The following HS3ST2 variants were observed in gnomAD, a reference collection of about 807,000 sequenced individuals.
HS3ST2 encodes heparan sulfate glucosamine 3-O-sulfotransferase 2.
HS3ST2 carries 17 observed loss-of-function variants against 26.3 expected under a neutral mutation model. The observed-to-expected ratio is 0.65, with a 90% CI of 0.44 to 0.97. The LOEUF (loss-of-function observed/expected upper bound fraction) is 0.97. Ranked by LOEUF, HS3ST2 falls within the 50% of genes least tolerant of loss-of-function variation. The pLI is 0.00. For missense variants in HS3ST2, 402 were observed against 501.2 expected (o/e 0.80, Z 1.89); for synonymous variants, 237 against 219.2 (o/e 1.08, Z -0.72).
chr16:22,880,287 C>G (rs1204822958), intron 1 of HS3ST2, among the ~76,000 whole-genome samples: 1 of 152,050 alleles, frequency 6.6e-6, no homozygotes, highest in Non-Finnish European at 1.5e-5. Flanking sequence ...GGTGTGGTGG[C>G]ACACCTGTAG....
rs1291952823 is a variant in HS3ST2 at position 22,888,219 on chromosome 16, G to C, written c.486-26725G>C. On this transcript the variant is annotated intron_variant, in intron 1 of 1. Transcript: ENST00000261374. ...GTCTCTGTGTCTGCTTTTGGAGTGG[G>C]GACAGGAGAACCAAATCTGAACACT... 5.3e-5 allele frequency among the ~76,000 whole-genome samples: 8 copies of C among 152,016 alleles called. No homozygotes were observed. In the East Asian group the frequency reaches 1.5e-3, roughly 29 times the overall value.
At chr16:22,911,979 A>G (rs1259018129) in intron 1 of HS3ST2, among the ~76,000 whole-genome samples, 1 of 152,058 alleles carries the variant, frequency 6.6e-6, no homozygotes, top group Non-Finnish European at 1.5e-5. Flanking sequence ...AAAAATAGCT[A>G]GGAGTGGTGG....
intron 1 of HS3ST2, among the ~76,000 whole-genome samples, chr16:22,899,879 G>A (rs892438990): frequency 3.3e-5 from 5 of 152,158 alleles, no homozygotes; most frequent in African/African-American, 9.7e-5. Context: ...TAGGAATTAC[G>A]GGAGCTACAA....
In HS3ST2 at chr16:22,814,393, A is replaced by T. The variant is rs751156357; in HGVS notation, c.-218A>T. 3 of 460,708 alleles carry T rather than the reference A, an allele frequency of 6.5e-6. No individual in the cohort carries two copies. Among genetic ancestry groups the T allele is most frequent in the Non-Finnish European group, 1.1e-5 (3 of 266,714 alleles). The allele number at this position is 460,708 out of a possible 1,614,324, so 28.5% of individuals were successfully genotyped here. A position where few individuals can be genotyped will look rare whatever the true frequency, so the allele number is the denominator to read the frequency against. On this transcript the variant is annotated 5_prime_UTR_variant, in exon 1 of 2. It removes an upstream start codon present in the reference 5' UTR. Coordinates refer to ENST00000261374, the MANE Select transcript of HS3ST2 (RefSeq NM_006043.2). ...CGCCTAGGACCGGGAGATGCTGGAA[A>T]TGCAACCGCCTGTTCCCCGAGGAGC... is the stretch of plus-strand genomic sequence containing the variant.
chr16:22,816,492 G>A (rs1900871693), intron 1 of HS3ST2, among the ~76,000 whole-genome samples: 2 of 152,202 alleles, frequency 1.3e-5, no homozygotes, highest in Admixed American at 6.5e-5. Context: ...GGGACGAGTG[G>A]GTCATGCATC....
intron 1 of HS3ST2, among the ~76,000 whole-genome samples, chr16:22,886,973 A>G (rs1372904448): frequency 1.3e-5 from 2 of 152,114 alleles, no homozygotes; most frequent in Admixed American, 6.5e-5. Flanking sequence ...GCCAGTCTCA[A>G]ACTCCTGACC....
chr16:22,856,817 C>T lies in HS3ST2; in HGVS notation c.485+41722C>T, dbSNP rs2283528. ...GGATTTTAATTCTGACTTTTCTCAG[C>T]CTTGGGCATGTCACATCACTTCTCT... On this transcript the variant is annotated intron_variant, in intron 1 of 1. Coordinates refer to ENST00000261374, the MANE Select transcript of HS3ST2 (RefSeq NM_006043.2). Among the ~76,000 whole-genome samples the T allele has an allele frequency of 2.6e-3, 401 of 152,262 alleles. 7 individuals carry two copies. The East Asian group carries it at 0.036, about 14-fold the overall frequency.
intron 1 of HS3ST2, among the ~76,000 whole-genome samples, chr16:22,863,386 G>A (rs1347925350): frequency 6.6e-6 from 1 of 152,118 alleles, no homozygotes. Flanking sequence ...TACCTGGCCA[G>A]GGCCCTTCTG....
chr16:22,890,673 CAG>C (rs1422731046), intron 1 of HS3ST2, among the ~76,000 whole-genome samples: 1 of 152,176 alleles, frequency 6.6e-6, no homozygotes, highest in Non-Finnish European at 1.5e-5. Context: ...ACCCATTTAA[CAG>C]AGGAGAAAAC....
At chr16:22,905,440 CT>C (rs1902339494) in intron 1 of HS3ST2, among the ~76,000 whole-genome samples, 1 of 144,242 alleles carries the variant, frequency 6.9e-6, no homozygotes, top group Admixed American at 6.8e-5. Context: ...TTTTTTTTCT[CT>C]TTTTTTGGAA....
chr16:22,819,422 T>C (rs1404062945), intron 1 of HS3ST2, among the ~76,000 whole-genome samples: 1 of 152,168 alleles, frequency 6.6e-6, no homozygotes, highest in Admixed American at 6.5e-5. Flanking sequence ...CTCTTCAGGG[T>C]CATCTTTTAT....
intron 1 of HS3ST2, among the ~76,000 whole-genome samples, chr16:22,876,130 G>T (rs1331098232): frequency 6.6e-6 from 1 of 152,080 alleles, no homozygotes; most frequent in Non-Finnish European, 1.5e-5. Context: ...TCCCTCCCAA[G>T]TTCAAAACCA....
intron 1 of HS3ST2, among the ~76,000 whole-genome samples, chr16:22,864,914 G>T (rs1013072221): frequency 7.2e-6 from 1 of 139,106 alleles, no homozygotes; most frequent in Non-Finnish European, 1.5e-5. Context: ...AGCCGGGCAT[G>T]GTGGTACACA....
At chr16:22,820,165 A>G (rs889799677) in intron 1 of HS3ST2, among the ~76,000 whole-genome samples, 1 of 152,056 alleles carries the variant, frequency 6.6e-6, no homozygotes, top group Admixed American at 6.5e-5. Context: ...CATTGAGTCC[A>G]TAAACCCCCC....
At position 22,814,252 on chromosome 16, in the gene HS3ST2, T is replaced by G; in HGVS notation, c.-359T>G. On this transcript the variant is annotated 5_prime_UTR_variant, in exon 1 of 2. Coordinates refer to ENST00000261374, the MANE Select transcript of HS3ST2 (RefSeq NM_006043.2). ...GCACAGCCGCGCCGCCGCCGAGCGT[T>G]TCGTGAGCGGCGCTCCGAGGATCAG... The G allele has an allele frequency of 1.1e-5, 2 of 187,366 alleles. No individual in the cohort carries two copies. Among genetic ancestry groups the G allele is most frequent in the Non-Finnish European group, 2.2e-5 (2 of 91,360 alleles). The allele number at this position is 187,366 out of a possible 1,614,324, so 11.6% of individuals were successfully genotyped here. A position where few individuals can be genotyped will look rare whatever the true frequency, so the allele number is the denominator to read the frequency against.
At chr16:22,832,199 GT>G (rs1901181405) in intron 1 of HS3ST2, among the ~76,000 whole-genome samples, 1 of 143,518 alleles carries the variant, frequency 7.0e-6, no homozygotes. Flanking sequence ...GTCTTTCTGT[GT>G]TGCCCAAGCT....
intron 1 of HS3ST2, among the ~76,000 whole-genome samples, chr16:22,896,043 C>G (rs1429598337): frequency 6.6e-6 from 1 of 151,692 alleles, no homozygotes; most frequent in Admixed American, 6.6e-5. Flanking sequence ...AAATCCTGGG[C>G]TCAAGCAATC....
chr16:22,822,986 A>G lies in HS3ST2; in HGVS notation c.485+7891A>G, dbSNP rs75526826. Among the ~76,000 whole-genome samples the G allele has an allele frequency of 1.2e-3, 186 of 152,350 alleles. 2 individuals are homozygous for G. The East Asian group carries it at 0.032, about 26-fold the overall frequency. On this transcript the variant is annotated intron_variant, in intron 1 of 1. Transcript: ENST00000261374. ...TTTCAGCCAAGAAGTTCCTCTTCCC[A>G]GAAGCAACCATAGGTACCTGTTTTT...
At chr16:22,880,556 C>A in intron 1 of HS3ST2, among the ~76,000 whole-genome samples, 1 of 152,312 alleles carries the variant, frequency 6.6e-6, no homozygotes, top group Middle Eastern at 3.4e-3. Context: ...CCTATTCGAT[C>A]CCCTATTTGG....
Sources: allele counts gnomAD v4.1 joint callset (sites outside exome capture counted in the v4.1 genomes callset), GRCh38; gene constraint gnomAD v4.1.1; transcripts MANE v1.5; gene names NCBI Gene and HGNC (gene_info 2026-07-23, HGNC 2026-07-21).